MAP3K1: variants seen among roughly 807,000 people sequenced by gnomAD.
MAP3K1 encodes the protein MAP/ERK kinase kinase 1.
In MAP3K1, 36 loss-of-function variants were observed where a neutral mutation model predicts 144.2. That is an observed-to-expected ratio of 0.25 (90% CI 0.19 to 0.33). The LOEUF (loss-of-function observed/expected upper bound fraction) is 0.33, where lower values mean the gene tolerates loss of function less well. MAP3K1 is among the 10% of genes least tolerant of loss of function. MAP3K1 has a pLI of 1.00. For synonymous variants in MAP3K1, 718 were observed against 688.7 expected (o/e 1.04, Z -0.67); for missense variants, 1,650 against 1,881.9 (o/e 0.88, Z 2.28).
chr5:56,841,375 A>G (rs1212818011), intron 1 of MAP3K1, among the ~76,000 whole-genome samples: 1 of 152,132 alleles, frequency 6.6e-6, no homozygotes, highest in East Asian at 1.9e-4. Context: ...TTGAATTGCT[A>G]TGATAGTGAA....
rs832582 is a variant in MAP3K1 at position 56,881,916 on chromosome 5, G to A, written c.2716G>A (p.Val906Ile). 0.8 allele frequency: 1,292,040 copies of A among 1,613,750 alleles called. 520,423 individuals are homozygous for A. Among genetic ancestry groups the A allele is most frequent in the Non-Finnish European group, 0.82 (972,302 of 1,179,952 alleles). ...TTENSSPECTVHLEKTGKGLC... is the reference protein window; with the variant it reads ...TTENSSPECTIHLEKTGKGLC... ...AGAGAACAGTTCCCCTGAGTGCACAGTCCATTTAGAGAAAACTGGAAAAGG... is the reference window on the plus strand; with the variant it reads ...AGAGAACAGTTCCCCTGAGTGCACAATCCATTTAGAGAAAACTGGAAAAGG... Residue 906 changes from valine (V) to isoleucine (I), a missense_variant, in exon 14 of 20, where the codon GTC (valine) becomes ATC (isoleucine). Around this residue, in one of 6 missense-constraint regions of MAP3K1, gnomAD observed 841 missense variants for 886.5 expected, o/e 0.95. Transcript: ENST00000399503.
At chr5:56,838,117 T>G (rs1019525625) in intron 1 of MAP3K1, among the ~76,000 whole-genome samples, 4 of 152,246 alleles carry the variant, frequency 2.6e-5, no homozygotes, top group African/African-American at 9.6e-5. Context: ...GTTTTCAGGT[T>G]GATAACTTTG....
chr5:56,850,506 G>A (rs181132321), intron 1 of MAP3K1, among the ~76,000 whole-genome samples: 99 of 152,138 alleles, frequency 6.5e-4, no homozygotes, highest in Admixed American at 2.9e-3. Flanking sequence ...TAATCAAATC[G>A]TCACTGTTGT....
rs903178842 is a variant in MAP3K1, at chr5:56,887,584, C to G, written c.4257+64C>G. On this transcript the variant is annotated intron_variant, in intron 18 of 19. Transcript: ENST00000399503. ...TGGAATTCTGTGTAACAGCATTATACTAAATTATCTTGCAGTGGTATCCAG... is the reference window on the plus strand; with the variant it reads ...TGGAATTCTGTGTAACAGCATTATAGTAAATTATCTTGCAGTGGTATCCAG... 5.2e-6 allele frequency: 8 copies of G among 1,550,984 alleles called. No individual in the cohort carries two copies. In the African/African-American group the frequency reaches 6.8e-5, roughly 13 times the overall value.
At chr5:56,890,603 G>C (rs1748520009) in intron 19 of MAP3K1, among the ~76,000 whole-genome samples, 1 of 152,122 alleles carries the variant, frequency 6.6e-6, no homozygotes, top group African/African-American at 2.4e-5. Context: ...ACCTCTAGAA[G>C]TACCAAGTGC....
At chr5:56,839,979 T>C (rs759857882) in intron 1 of MAP3K1, among the ~76,000 whole-genome samples, 1 of 152,210 alleles carries the variant, frequency 6.6e-6, no homozygotes, top group Non-Finnish European at 1.5e-5. Context: ...TTGGGGTCTC[T>C]AGAAGTTTGG....
chr5:56,817,480 C>T (rs940597849), intron 1 of MAP3K1, among the ~76,000 whole-genome samples: 6 of 152,168 alleles, frequency 3.9e-5, no homozygotes, highest in African/African-American at 1.4e-4. Context: ...ATTTGGAAGT[C>T]CCCTTCCTCT....
At chr5:56,891,026 A>G (rs192550278) in intron 19 of MAP3K1, among the ~76,000 whole-genome samples, 74 of 152,182 alleles carry the variant, frequency 4.9e-4, no homozygotes, top group Non-Finnish European at 9.7e-4. Context: ...AGCCTGGGTG[A>G]CAGTGAGAGC....
chr5:56,861,346 C>T (rs893698198), intron 3 of MAP3K1, among the ~76,000 whole-genome samples: 17 of 151,912 alleles, frequency 1.1e-4, no homozygotes, highest in Admixed American at 2.6e-4. Flanking sequence ...CCAAGGTGGG[C>T]GGATCACTGG....
In MAP3K1 at chr5:56,881,178, T is replaced by A; in HGVS notation, c.2275T>A (p.Cys759Ser). The change falls in exon 13 of 20, where the codon TGT becomes AGT. Residue 759 changes from cysteine to serine, a missense_variant. Physicochemically the swap from Cys to Ser is moderately radical, Grantham distance 112. Around this residue, in one of 6 missense-constraint regions of MAP3K1, gnomAD observed 841 missense variants for 886.5 expected, o/e 0.95. Transcript: ENST00000399503. ...NNWQELLGRL[C>S]LIDRLLLEFP... is the part of the protein sequence containing the mutation. ...TTGGCAAGAACTTCTTGGCCGCCTT[T>A]GTCTTATAGATAGACTGTTGTTGGA... 1 of 1,613,896 alleles carries A rather than the reference T, an allele frequency of 6.2e-7. No individual in the cohort carries two copies. Among genetic ancestry groups the A allele is most frequent in the Non-Finnish European group, 8.5e-7 (1 of 1,179,898 alleles).
rs747612606 is a variant in MAP3K1 at position 56,856,738 on chromosome 5, G to A, written c.621G>A (p.Arg207=). The A allele has an allele frequency of 6.2e-6, 10 of 1,613,928 alleles. No homozygotes were observed. The East Asian group carries it at 2.0e-4, about 32-fold the overall frequency. ...WKHEWLERRN[R]RGPVVVKPIP... The stretch of plus-strand genomic sequence containing the variant: ...ACGAATGGTTGGAAAGGAGAAATAG[G>A]CGAGGGCCTGTGGTAAGTGGCTATG... Residue 207 remains arginine (R), a synonymous_variant, in exon 2 of 20, where the codon AGG becomes AGA. Transcript: ENST00000399503.
intron 1 of MAP3K1, among the ~76,000 whole-genome samples, chr5:56,830,323 G>T (rs1410533969): frequency 6.6e-6 from 1 of 152,032 alleles, no homozygotes; most frequent in Non-Finnish European, 1.5e-5. Flanking sequence ...GATACTGTTG[G>T]CCATAACCTA....
At chr5:56,873,090 A>G (rs1297435819) in intron 9 of MAP3K1, 85 bp downstream of exon 9, 52 of 1,327,516 alleles carry the variant, frequency 3.9e-5, no homozygotes, top group Non-Finnish European at 4.2e-6. Flanking sequence ...GTTGTTCATA[A>G]TTTAAAAAAA....
chr5:56,880,526 T>C (rs1579776995), intron 11 of MAP3K1, among the ~76,000 whole-genome samples, 185 bp from the exon 12 acceptor site: 1 of 152,186 alleles, frequency 6.6e-6, no homozygotes, highest in Non-Finnish European at 1.5e-5. Flanking sequence ...TTTACGAAAT[T>C]AGACCTAATA....
intron 1 of MAP3K1, among the ~76,000 whole-genome samples, chr5:56,822,085 A>G (rs1019081862): frequency 2.0e-4 from 30 of 152,218 alleles, no homozygotes; most frequent in African/African-American, 6.7e-4. Flanking sequence ...CAGTGGCGCA[A>G]TCTTTGCTCA....
At chr5:56,830,259 CAT>C (rs1367258750) in intron 1 of MAP3K1, among the ~76,000 whole-genome samples, 2 of 152,138 alleles carry the variant, frequency 1.3e-5, no homozygotes, top group Non-Finnish European at 2.9e-5. Flanking sequence ...TTTAAAATGT[CAT>C]ATATTTTAAT....
rs1381475601 is a variant in MAP3K1, at chr5:56,826,065, G to A, written c.482+10010G>A. ...ATAAGGCATTTGAAATGGCTTCTCT[G>A]GTTGGACTGTTGACCAGCTGAATTC... is the stretch of plus-strand genomic sequence containing the variant. On this transcript the variant is annotated intron_variant, in intron 1 of 19. Coordinates refer to ENST00000399503, the MANE Select transcript of MAP3K1 (RefSeq NM_005921.2). 2.0e-5 allele frequency among the ~76,000 whole-genome samples: 3 copies of A among 151,702 alleles called. No individual in the cohort carries two copies. In the East Asian group the frequency reaches 5.8e-4, roughly 29 times the overall value.
chr5:56,852,360 G>A (rs1006802861), intron 1 of MAP3K1, among the ~76,000 whole-genome samples: 25 of 152,270 alleles, frequency 1.6e-4, no homozygotes, highest in African/African-American at 6.0e-4. Flanking sequence ...CCTGAGAAGG[G>A]ACCCTTGAAG....
intron 9 of MAP3K1, 66 bp from the exon 10 acceptor site, chr5:56,874,966 A>C (rs1747976520): frequency 6.5e-7 from 1 of 1,545,872 alleles, no homozygotes; most frequent in African/African-American, 1.4e-5. Flanking sequence ...AATGATGCTA[A>C]ACTCAAAATG....
Sources: allele counts gnomAD v4.1 joint callset (sites outside exome capture counted in the v4.1 genomes callset), GRCh38; gene constraint gnomAD v4.1.1; regional missense constraint gnomAD v4.1.1; transcripts MANE v1.5; gene names NCBI Gene and HGNC (gene_info 2026-07-23, HGNC 2026-07-21).